Variants in TTLL3 observed in about 807,000 individuals in gnomAD.
The protein encoded by TTLL3 is tubulin monoglycylase TTLL3.
A neutral mutation model predicts 75.2 loss-of-function variants in TTLL3; 63 were observed. That is an observed-to-expected ratio of 0.84 (90% confidence interval 0.68 to 1.03). The LOEUF is 1.03. TTLL3 is among the 50% of genes least tolerant of loss of function. The probability of loss-of-function intolerance (pLI) is 0.00; values close to 1 mark genes in which losing one functional copy is unlikely to be tolerated. For missense variants in TTLL3, 997 were observed against 1,069.9 expected (o/e 0.93, Z 0.95); for synonymous variants, 393 against 418.5 (o/e 0.94, Z 0.74).
At chr3:9,810,205 G>A (rs927590402), upstream of TTLL3, 7 of 1,483,910 alleles carry the variant, frequency 4.7e-6, no homozygotes, top group South Asian at 2.5e-5. The surrounding 1 kb of genome is among the most constrained non-coding windows in gnomAD (Gnocchi z 4.4). Flanking sequence ...GCCATGGGCC[G>A]GCCCTGCCTC....
Position 9,833,250 on chromosome 3 carries a change from G to A in TTLL3, c.1825+5G>A, listed in dbSNP as rs2081745619. On this transcript the variant is annotated splice_donor_5th_base_variant and intron_variant, in intron 12 of 13. Transcript: ENST00000685419. ...CCCAGCGAGGCTCTGGGGAAGGCAA[G>A]GACTCGGGGACCCCTACCCACAGGT... The A allele has an allele frequency of 6.2e-7, 1 of 1,613,538 alleles. No homozygotes were observed. Among genetic ancestry groups the A allele is most frequent in the Admixed American group, 1.7e-5 (1 of 59,984 alleles).
At chr3:9,823,180 G>A (rs969581931) in intron 8 of TTLL3, among the ~76,000 whole-genome samples, 22 of 151,802 alleles carry the variant, frequency 1.4e-4, no homozygotes, top group African/African-American at 4.1e-4. Context: ...TCAGGAGATC[G>A]AGACCATCCT....
chr3:9,812,322 G>A (rs762644442), intron 2 of TTLL3, among the ~76,000 whole-genome samples: 3 of 152,184 alleles, frequency 2.0e-5, no homozygotes, highest in East Asian at 1.9e-4. Flanking sequence ...CAAGACCAGC[G>A]TGGCCAATAT....
intron 5 of TTLL3, 142 bp from the exon 6 acceptor site, chr3:9,817,503 T>C (rs2079996439): frequency 1.5e-5 from 23 of 1,507,846 alleles, no homozygotes; most frequent in South Asian, 7.9e-5. Flanking sequence ...GGCAAATATA[T>C]GGTGATAGAT....
At position 9,810,589 on chromosome 3, in the gene TTLL3, G is replaced by A. The variant is rs1157386850; in HGVS notation, c.-41-32G>A. 3.9e-6 allele frequency: 6 copies of A among 1,548,248 alleles called. No homozygotes were observed. The highest frequency in any genetic ancestry group is 2.4e-5 in the South Asian group (2 of 83,596). On this transcript the variant is annotated intron_variant, in intron 1 of 13. Coordinates refer to ENST00000685419, the MANE Select transcript of TTLL3 (RefSeq NM_001387446.1). This position sits in a 1 kb window ranked among gnomAD's most constrained non-coding sequence, Gnocchi z 4.4. The stretch of plus-strand genomic sequence containing the variant: ...CCGAGACCCTAGGCCCAGCCTCAGT[G>A]TACCCCGCCCCTATTCCGCATCTTT...
intron 8 of TTLL3, among the ~76,000 whole-genome samples, chr3:9,825,095 C>T (rs1169554898): frequency 6.6e-6 from 1 of 152,116 alleles, no homozygotes; most frequent in Non-Finnish European, 1.5e-5. Context: ...CTCATGCCTG[C>T]AATCCCAGCA....
chr3:9,829,299 C>G lies in TTLL3; in HGVS notation c.1587C>G (p.Leu529=). 1 of 1,614,082 alleles carries G rather than the reference C, an allele frequency of 6.2e-7. No individual in the cohort carries two copies. The highest frequency in any genetic ancestry group is 8.5e-7 in the Non-Finnish European group (1 of 1,180,024). Residue 529 remains leucine, a synonymous_variant, in exon 11 of 14, where the codon CTC becomes CTG. Transcript: ENST00000685419. ...MAPSTAVTAR[L]CAGVQADTLR... Reference sequence around the variant, plus strand: ...CCTCCACAGCAGTCACTGCCCGGCTCTGTGCTGGCGTGCAAGCTGACACCC... The same window carrying G: ...CCTCCACAGCAGTCACTGCCCGGCTGTGTGCTGGCGTGCAAGCTGACACCC...
chr3:9,816,032 C>G (rs2079825917), intron 4 of TTLL3, 42 bp from the exon 5 acceptor site: 1 of 1,327,594 alleles, frequency 7.5e-7, no homozygotes, highest in African/African-American at 1.5e-5. Flanking sequence ...GCCCTGCTAC[C>G]CACACTGGCC....
intron 2 of TTLL3, among the ~76,000 whole-genome samples, chr3:9,812,468 T>C (rs557028282): frequency 6.6e-5 from 10 of 152,020 alleles, no homozygotes; most frequent in African/African-American, 2.4e-4. Context: ...TGAGCCAAGA[T>C]TGTGCCACTC....
chr3:9,809,982 G>GGAGGGCGGGCGCGGGATCAGGGGCCCTGC (rs1559733267), upstream of TTLL3: 2 of 1,299,412 alleles, frequency 1.5e-6, no homozygotes, highest in Non-Finnish European at 1.9e-6. Context: ...AGGGGCCCTG[G>GGAGGGCGGGCGCGGGATCAGGGGCCCTGC]GAGGGCGAGC....
intron 6 of TTLL3, 66 bp from the exon 7 acceptor site, chr3:9,818,756 G>C: frequency 6.2e-7 from 1 of 1,610,890 alleles, no homozygotes. Flanking sequence ...GTCATGATCA[G>C]GTTCTGGAAC....
Position 9,835,177 on chromosome 3 carries a change from A to G in TTLL3, c.2136A>G (p.Ala712=). The G allele has an allele frequency of 7.4e-6, 12 of 1,614,126 alleles. No individual in the cohort carries two copies. The highest frequency in any genetic ancestry group is 1.0e-5 in the Non-Finnish European group (12 of 1,180,022). ...CTTTGAAGTCGGAACAATTCCTAGC[A>G]CCTGTCGGAAGGTCAAGGCCAAAGG... ...LCPLKSEQFL[A]PVGRSRPKAN... Residue 712 remains alanine, a synonymous_variant, in exon 14 of 14, where the codon GCA becomes GCG. Coordinates refer to ENST00000685419, the MANE Select transcript of TTLL3 (RefSeq NM_001387446.1).
Position 9,820,822 on chromosome 3 carries a change from C to T in TTLL3, c.854+81C>T, listed in dbSNP as rs7639980. On this transcript the variant is annotated intron_variant, in intron 8 of 13. Transcript: ENST00000685419. ...CTTTCTGTCTCGTGCAGCCCCTACC[C>T]CTTCCCCAAGCCTCCCGCTCGTTTA... 6.3e-4 allele frequency: 979 copies of T among 1,542,308 alleles called. 12 individuals are homozygous for T. In the African/African-American group the frequency reaches 0.012, roughly 19 times the overall value.
chr3:9,811,403 C>A (rs2079340067), intron 2 of TTLL3, among the ~76,000 whole-genome samples: 1 of 152,234 alleles, frequency 6.6e-6, no homozygotes, highest in African/African-American at 2.4e-5. Context: ...GAAATCTCAT[C>A]TTTCTGTTTC....
chr3:9,812,994 T>C lies in TTLL3; in HGVS notation c.100T>C (p.Leu34=). Residue 34 remains leucine (L), a synonymous_variant, in exon 3 of 14, where the codon TTG becomes CTG. Transcript: ENST00000685419. ...CTGCTACCCGGTGATCCGGTGTCTC[T>C]TGCGCCGGAGGGGCTGGGTGGAGAA... ...QGCYPVIRCL[L]RRRGWVEKKM... is the part of the protein sequence containing the mutation. 6.4e-7 allele frequency: 1 copy of C among 1,556,532 alleles called. No individual in the cohort carries two copies. The highest frequency in any genetic ancestry group is 8.7e-7 in the Non-Finnish European group (1 of 1,151,142).
intron 10 of TTLL3, chr3:9,828,175 C>T (rs561816604): frequency 2.7e-5 from 4 of 148,030 alleles, no homozygotes; most frequent in South Asian, 4.3e-4. Flanking sequence ...TTATATTTGT[C>T]GTTGGGGGAA....
chr3:9,821,715 C>T (rs2080427595), intron 8 of TTLL3, among the ~76,000 whole-genome samples: 1 of 152,180 alleles, frequency 6.6e-6, no homozygotes, highest in Admixed American at 6.5e-5. Context: ...TAAGAATTAT[C>T]AAGGTGGCCA....
Position 9,829,313 on chromosome 3 carries a change from A to C in TTLL3, c.1601A>C (p.Gln534Pro), listed in dbSNP as rs775777976. Residue 534 changes from glutamine (Q) to proline (P), a missense_variant, in exon 11 of 14, where the codon CAA becomes CCA. Transcript: ENST00000685419. ...AVTARLCAGVQADTLRVVIDR... is the reference protein window; with the variant it reads ...AVTARLCAGVPADTLRVVIDR... Reference sequence around the variant, plus strand: ...ACTGCCCGGCTCTGTGCTGGCGTGCAAGCTGACACCCTGCGCGTGGTCATT... The same window carrying C: ...ACTGCCCGGCTCTGTGCTGGCGTGCCAGCTGACACCCTGCGCGTGGTCATT... The C allele has an allele frequency of 1.9e-6, 3 of 1,613,844 alleles. No homozygotes were observed.
In TTLL3 at chr3:9,835,675, T is replaced by A; in HGVS notation, c.*186T>A. ...TGGCTTACCCAAGATCACGTGGCAG[T>A]GAGTCGACGCAGGGACATATTGCCA... is the stretch of plus-strand genomic sequence containing the variant. On this transcript the variant is annotated 3_prime_UTR_variant, in exon 14 of 14. Coordinates refer to ENST00000685419, the MANE Select transcript of TTLL3 (RefSeq NM_001387446.1). 1 of 597,202 alleles carries A rather than the reference T, an allele frequency of 1.7e-6. No homozygotes were observed. The highest frequency in any genetic ancestry group is 2.8e-6 in the Non-Finnish European group (1 of 357,694). The allele number at this position is 597,202 out of a possible 1,614,324, so 37.0% of individuals were successfully genotyped here.
Sources: allele counts gnomAD v4.1 joint callset (sites outside exome capture counted in the v4.1 genomes callset), GRCh38; gene constraint gnomAD v4.1.1; non-coding constraint Gnocchi (gnomAD v3.1); transcripts MANE v1.5; gene names NCBI Gene and HGNC (gene_info 2026-07-23, HGNC 2026-07-21).